The following EPB41L4A variants were observed in gnomAD, a reference collection of about 807,000 sequenced individuals.
EPB41L4A encodes band 4.1-like protein 4A.
EPB41L4A carries 100 observed loss-of-function variants against 108.6 expected under a neutral mutation model. That is an observed-to-expected ratio of 0.92 (90% CI 0.78 to 1.09). The LOEUF is 1.09. Among genes scored for constraint, EPB41L4A ranks in the 50% least tolerant of loss-of-function variants. The pLI is 0.00. For synonymous variants in EPB41L4A, 319 were observed against 289.0 expected (o/e 1.10, Z -1.05); for missense variants, 1,030 against 842.7 (o/e 1.22, Z -2.75).
At chr5:112,181,376 C>A (rs1038915580) in intron 18 of EPB41L4A, among the ~76,000 whole-genome samples, 1 of 151,838 alleles carries the variant, frequency 6.6e-6, no homozygotes, top group Non-Finnish European at 1.5e-5. Context: ...GCGTGGAACC[C>A]GGGAGGCGGA....
intron 18 of EPB41L4A, among the ~76,000 whole-genome samples, chr5:112,178,612 GAAT>G (rs1200240802): frequency 4.0e-5 from 6 of 150,588 alleles, no homozygotes; most frequent in African/African-American, 7.3e-5. Flanking sequence ...AATTAAATTA[GAAT>G]AATAATAATA....
chr5:112,208,653 C>T (rs1045915191), intron 13 of EPB41L4A, among the ~76,000 whole-genome samples: 5 of 152,182 alleles, frequency 3.3e-5, no homozygotes, highest in African/African-American at 1.2e-4. Context: ...ATCATGCATA[C>T]ACCAAACCTC....
chr5:112,323,483 T>C (rs920666527), intron 1 of EPB41L4A, among the ~76,000 whole-genome samples: 1 of 152,238 alleles, frequency 6.6e-6, no homozygotes, highest in Non-Finnish European at 1.5e-5. Context: ...AAGTTACAAA[T>C]AACTTTACTG....
Position 112,169,117 on chromosome 5 carries a change from A to G in EPB41L4A, c.1740-12T>C. ...GGTCACCTTGTGTCCTGAACAAGCA[A>G]CCAAGAAACATGAAAACAAACACCC... On this transcript the variant is annotated splice_polypyrimidine_tract_variant and intron_variant, in intron 20 of 22. Transcript: ENST00000261486. 1 of 1,587,114 alleles carries G rather than the reference A, an allele frequency of 6.3e-7. No individual in the cohort carries two copies. The highest frequency in any genetic ancestry group is 8.7e-7 in the Non-Finnish European group (1 of 1,155,350).
chr5:112,150,044 G>A (rs1000529038), intron 12 of EPB41L4A, among the ~76,000 whole-genome samples: 2 of 152,216 alleles, frequency 1.3e-5, no homozygotes, highest in African/African-American at 4.8e-5. Flanking sequence ...GGGATGATTA[G>A]CCTATGTAGT....
rs1381333963 is a variant in EPB41L4A at position 112,157,488 on chromosome 5, A to C, written n.994+913T>G. 2.6e-5 allele frequency among the ~76,000 whole-genome samples: 4 copies of C among 152,188 alleles called. No homozygotes were observed. The South Asian group carries it at 8.3e-4, about 32-fold the overall frequency. ...TAGTGGCTTAAAACAACATACATTC[A>C]TTATCTCACAGCTCTGTAGGACAGA... is the stretch of plus-strand genomic sequence containing the variant. On this transcript the variant is annotated intron_variant and non_coding_transcript_variant, in intron 12 of 13. Transcript: ENST00000507810.
At chr5:112,255,315 A>C (rs1305424875) in intron 9 of EPB41L4A, among the ~76,000 whole-genome samples, 10 of 152,092 alleles carry the variant, frequency 6.6e-5, no homozygotes, top group Admixed American at 6.6e-4. Context: ...TTTCTTAATG[A>C]ATATGCATCA....
intron 12 of EPB41L4A, among the ~76,000 whole-genome samples, chr5:112,216,560 T>G (rs922666009): frequency 3.9e-5 from 6 of 152,204 alleles, no homozygotes; most frequent in Non-Finnish European, 8.8e-5. Flanking sequence ...TTATAAACCT[T>G]CAGGTTAAAT....
chr5:112,396,238 T>A (rs1389590615), intron 1 of EPB41L4A, among the ~76,000 whole-genome samples: 2 of 152,096 alleles, frequency 1.3e-5, no homozygotes. Context: ...CCCAAGAACT[T>A]AAAGTATAAT....
chr5:112,369,991 A>G (rs559779342), intron 1 of EPB41L4A, among the ~76,000 whole-genome samples: 1 of 152,196 alleles, frequency 6.6e-6, no homozygotes, highest in South Asian at 2.1e-4. Flanking sequence ...GTTTCTATAC[A>G]CAACTGGCAA....
At chr5:112,335,742 C>G (rs1756876563) in intron 1 of EPB41L4A, among the ~76,000 whole-genome samples, 1 of 152,166 alleles carries the variant, frequency 6.6e-6, no homozygotes, top group Non-Finnish European at 1.5e-5. Flanking sequence ...AAGATGCAAA[C>G]TTAACATCTT....
chr5:112,280,723 G>A (rs1752916562), intron 2 of EPB41L4A, among the ~76,000 whole-genome samples: 2 of 152,164 alleles, frequency 1.3e-5, no homozygotes, highest in Non-Finnish European at 2.9e-5. Context: ...TGGGTCCCTG[G>A]TTGAATTATC....
At chr5:112,418,782 G>A (rs1039692049) in intron 1 of EPB41L4A, among the ~76,000 whole-genome samples, 159 bp downstream of exon 1, 6 of 151,960 alleles carry the variant, frequency 3.9e-5, no homozygotes, top group African/African-American at 1.5e-4. Context: ...ACCCTGGTAC[G>A]TCCACCCTCT....
chr5:112,343,976 A>G (rs546235989), intron 1 of EPB41L4A, among the ~76,000 whole-genome samples: 28 of 152,210 alleles, frequency 1.8e-4, no homozygotes, highest in Non-Finnish European at 3.7e-4. Flanking sequence ...AGATTGCTTG[A>G]GCCCAGGATT....
chr5:112,187,309 T>A (rs1038575834), intron 17 of EPB41L4A, among the ~76,000 whole-genome samples: 1 of 152,226 alleles, frequency 6.6e-6, no homozygotes, highest in African/African-American at 2.4e-5. Flanking sequence ...AATTTCTCCA[T>A]CTGTAACTAT....
At chr5:112,411,223 GGAA>G (rs1275316114) in intron 1 of EPB41L4A, among the ~76,000 whole-genome samples, 1 of 152,090 alleles carries the variant, frequency 6.6e-6, no homozygotes, top group East Asian at 1.9e-4. Flanking sequence ...CAGAAAATAA[GGAA>G]GTTGGGACTA....
At chr5:112,296,194 C>G (rs1436212459) in intron 2 of EPB41L4A, among the ~76,000 whole-genome samples, 2 of 152,018 alleles carry the variant, frequency 1.3e-5, no homozygotes, top group African/African-American at 4.8e-5. Flanking sequence ...TATTAAAAAT[C>G]TTACATTGGC....
At chr5:112,386,284 A>G (rs1227735527) in intron 1 of EPB41L4A, among the ~76,000 whole-genome samples, 1 of 152,248 alleles carries the variant, frequency 6.6e-6, no homozygotes, top group African/African-American at 2.4e-5. Context: ...CAAACCTTAC[A>G]TAAAATACCC....
intron 1 of EPB41L4A, among the ~76,000 whole-genome samples, chr5:112,365,176 T>A: frequency 6.6e-6 from 1 of 152,234 alleles, no homozygotes. Flanking sequence ...GATTATAGCA[T>A]CAATTTTTAT....
Sources: gnomAD v4.1 joint callset for allele counts (sites outside exome capture counted in the v4.1 genomes callset) on GRCh38, gnomAD v4.1.1 for gene constraint, MANE v1.5 for transcripts, NCBI Gene and HGNC (gene_info 2026-07-23, HGNC 2026-07-21) for gene names.